TSPAN7: variants seen among roughly 807,000 people sequenced by gnomAD.
The protein encoded by TSPAN7 is tetraspanin-7.
A neutral mutation model predicts 17.6 loss-of-function variants in TSPAN7; 1 was observed. The ratio of observed to expected loss-of-function variants is 0.06; its 90% CI spans 0.02 to 0.27. The LOEUF is 0.27. Ranked by LOEUF, TSPAN7 falls within the 10% of genes least tolerant of loss-of-function variation. The pLI, the probability that TSPAN7 is intolerant of heterozygous loss-of-function variation, is 1.00. For missense variants in TSPAN7, 112 were observed against 201.7 expected (o/e 0.56, Z 2.69); for synonymous variants, 78 against 79.0 (o/e 0.99, Z 0.07).
intron 1 of TSPAN7, chrX:38,622,990 A>C (rs768729097): frequency 5.5e-5 from 18 of 329,909 alleles, no homozygotes; most frequent in Non-Finnish European, 1.0e-4. Context: ...CGAAGATTTG[A>C]GGTCAGAAGA....
At chrX:38,567,518 C>T (rs747673197) in intron 1 of TSPAN7, among the ~76,000 whole-genome samples, 1 of 112,406 alleles carries the variant, frequency 8.9e-6, no homozygotes, top group East Asian at 2.8e-4. Context: ...AGCTACAATT[C>T]AAAATGAGAT....
intron 1 of TSPAN7, among the ~76,000 whole-genome samples, chrX:38,588,722 A>AT (rs1385293095): frequency 2.7e-5 from 3 of 111,807 alleles, no homozygotes; most frequent in Admixed American, 9.5e-5. Context: ...ATAAAAGACT[A>AT]TTTTTTGTTT....
chrX:38,585,987 A>C (rs2069256847), intron 1 of TSPAN7, among the ~76,000 whole-genome samples: 2 of 112,621 alleles, frequency 1.8e-5, no homozygotes, highest in South Asian at 3.7e-4. Flanking sequence ...TTTATAAATC[A>C]CAGAGTCTTA....
At chrX:38,686,369 G>T (rs942016443) in intron 6 of TSPAN7, among the ~76,000 whole-genome samples, 1 of 112,267 alleles carries the variant, frequency 8.9e-6, no homozygotes, top group Admixed American at 9.4e-5. Context: ...GGGACCTGAA[G>T]TGGCAGCAGG....
chrX:38,631,991 G>A (rs949287100), intron 1 of TSPAN7, among the ~76,000 whole-genome samples: 3 of 111,774 alleles, frequency 2.7e-5, no homozygotes, highest in Non-Finnish European at 5.6e-5. Flanking sequence ...TTCAGCTCTG[G>A]CACATCTTTG....
At chrX:38,562,923 C>T (rs1313257413) in intron 1 of TSPAN7, 4 of 886,888 alleles carry the variant, frequency 4.5e-6, no homozygotes, top group Non-Finnish European at 5.7e-6. Context: ...TTGCACCCCT[C>T]ACCCCCGCCC....
chrX:38,626,836 G>T (rs150597881), intron 1 of TSPAN7, among the ~76,000 whole-genome samples: 5 of 110,940 alleles, frequency 4.5e-5, no homozygotes, highest in African/African-American at 1.3e-4. Flanking sequence ...TGGTGGGGGG[G>T]TGCCTAGGTG....
At chrX:38,596,667 C>T (rs748155602) in intron 1 of TSPAN7, among the ~76,000 whole-genome samples, 1 of 111,193 alleles carries the variant, frequency 9.0e-6, no homozygotes, top group South Asian at 3.8e-4. Flanking sequence ...CCTCAGGTCT[C>T]ACCTCAGACC....
intron 6 of TSPAN7, among the ~76,000 whole-genome samples, chrX:38,683,934 C>T (rs2069909103): frequency 8.9e-6 from 1 of 112,942 alleles, no homozygotes; most frequent in East Asian, 2.8e-4. Flanking sequence ...TGGCCTATGC[C>T]TTAGCCTTCC....
At chrX:38,681,716 C>A (rs2069893577) in intron 6 of TSPAN7, among the ~76,000 whole-genome samples, 1 of 111,793 alleles carries the variant, frequency 8.9e-6, no homozygotes, top group Non-Finnish European at 1.9e-5. Flanking sequence ...TTAAAGAAAG[C>A]CTAAATTTAG....
At chrX:38,601,278 AGATAAT>A (rs2069345384) in intron 1 of TSPAN7, among the ~76,000 whole-genome samples, 1 of 111,597 alleles carries the variant, frequency 9.0e-6, no homozygotes, top group Non-Finnish European at 1.9e-5. Flanking sequence ...TTTGAGACTT[AGATAAT>A]CACATAAAAC....
chrX:38,603,725 G>A (rs1318540826), intron 1 of TSPAN7, among the ~76,000 whole-genome samples: 2 of 110,959 alleles, frequency 1.8e-5, no homozygotes, highest in African/African-American at 3.3e-5. Context: ...GCCTAGGACT[G>A]GAGGATATGG....
intron 1 of TSPAN7, among the ~76,000 whole-genome samples, chrX:38,652,532 A>G (rs1337251184): frequency 8.9e-6 from 1 of 112,616 alleles, no homozygotes; most frequent in Non-Finnish European, 1.9e-5. Flanking sequence ...ACTTTCCCTA[A>G]TACTGGCTTA....
At chrX:38,606,646 AC>A (rs776040042) in intron 1 of TSPAN7, among the ~76,000 whole-genome samples, 102 of 111,075 alleles carry the variant, frequency 9.2e-4, no homozygotes, top group Non-Finnish European at 1.4e-3. Context: ...CCAGACACCC[AC>A]CCCCAACATT....
chrX:38,564,362 T>C (rs2069130906), intron 1 of TSPAN7, among the ~76,000 whole-genome samples: 1 of 112,584 alleles, frequency 8.9e-6, no homozygotes. Context: ...TGAATGATTA[T>C]AGCACATTTT....
At chrX:38,579,613 A>T (rs993058532) in intron 1 of TSPAN7, among the ~76,000 whole-genome samples, 1 of 111,187 alleles carries the variant, frequency 9.0e-6, no homozygotes, top group African/African-American at 3.3e-5. Context: ...GCAAAAATGC[A>T]TTAACTTGAT....
At chrX:38,618,316 T>G (rs554685042) in intron 1 of TSPAN7, among the ~76,000 whole-genome samples, 1 of 112,366 alleles carries the variant, frequency 8.9e-6, no homozygotes. Context: ...AGACCTGGCT[T>G]GTGCATTTCC....
chrX:38,600,267 A>G (rs1305756588), intron 1 of TSPAN7, among the ~76,000 whole-genome samples: 7 of 111,610 alleles, frequency 6.3e-5, no homozygotes, highest in South Asian at 3.7e-4. Flanking sequence ...GCTGTTCCAT[A>G]TATTTTTAGT....
chrX:38,596,997 A>T (rs2069321750), intron 1 of TSPAN7, among the ~76,000 whole-genome samples: 1 of 111,278 alleles, frequency 9.0e-6, no homozygotes. Flanking sequence ...AAAGAACATA[A>T]CTAAAAGTTT....
Sources: allele counts gnomAD v4.1 joint callset (sites outside exome capture counted in the v4.1 genomes callset), GRCh38; gene constraint gnomAD v4.1.1; transcripts MANE v1.5; gene names NCBI Gene and HGNC (gene_info 2026-07-23, HGNC 2026-07-21).